Variants in TACC1 observed in about 807,000 individuals in gnomAD.
TACC1 encodes the protein transforming acidic coiled-coil-containing protein 1.
A neutral mutation model predicts 84.4 loss-of-function variants in TACC1; 48 were observed. That is an observed-to-expected ratio of 0.57 (90% CI 0.45 to 0.72). TACC1 has a LOEUF of 0.72. TACC1 is among the 30% of genes least tolerant of loss of function. The pLI, the probability that TACC1 is intolerant of heterozygous loss-of-function variation, is 0.00. For missense variants in TACC1, 920 were observed against 973.0 expected (o/e 0.95, Z 0.72); for synonymous variants, 372 against 376.3 (o/e 0.99, Z 0.13).
intron 2 of TACC1, among the ~76,000 whole-genome samples, chr8:38,794,417 A>G (rs1396882696): frequency 6.6e-6 from 1 of 152,192 alleles, no homozygotes; most frequent in African/African-American, 2.4e-5. Flanking sequence ...GGTTACAGGC[A>G]TGAGCCAGCC....
chr8:38,846,482 C>A, intron 11 of TACC1: 2 of 438,654 alleles, frequency 4.6e-6, no homozygotes, highest in South Asian at 3.4e-5. Flanking sequence ...AAACCATTTG[C>A]TAGTGAGATA....
At chr8:38,774,663 T>G (rs984443964) in intron 3 of TACC1, among the ~76,000 whole-genome samples, 6 of 152,152 alleles carry the variant, frequency 3.9e-5, no homozygotes, top group African/African-American at 9.7e-5. Context: ...AGGCTAATTT[T>G]TTTTTGTTTT....
chr8:38,751,377 T>C (rs1297163636), intron 3 of TACC1, among the ~76,000 whole-genome samples: 1 of 152,248 alleles, frequency 6.6e-6, no homozygotes, highest in Non-Finnish European at 1.5e-5. Context: ...TGGAGCTATC[T>C]TACCCAGGTT....
chr8:38,743,245 A>C (rs1165018411), intron 2 of TACC1, among the ~76,000 whole-genome samples: 1 of 152,204 alleles, frequency 6.6e-6, no homozygotes, highest in African/African-American at 2.4e-5. Context: ...TGCAAAGATG[A>C]ATTCAGAGTA....
At chr8:38,834,381 T>C (rs980741119) in intron 6 of TACC1, among the ~76,000 whole-genome samples, 1 of 152,174 alleles carries the variant, frequency 6.6e-6, no homozygotes, top group Non-Finnish European at 1.5e-5. Context: ...TCCATGACGT[T>C]TGCCATATTC....
chr8:38,768,892 G>C (rs11987196), intron 3 of TACC1, among the ~76,000 whole-genome samples: 6 of 150,062 alleles, frequency 4.0e-5, no homozygotes, highest in Non-Finnish European at 7.4e-5. Context: ...ACTGTCGGGG[G>C]AGGTGTGTGT....
intron 2 of TACC1, among the ~76,000 whole-genome samples, chr8:38,801,165 T>G (rs1314217689): frequency 6.6e-6 from 1 of 152,238 alleles, no homozygotes; most frequent in Non-Finnish European, 1.5e-5. Flanking sequence ...TGTGACTAAA[T>G]ATTTTCTTCC....
At chr8:38,765,418 G>T (rs879290774) in intron 3 of TACC1, among the ~76,000 whole-genome samples, 2 of 152,142 alleles carry the variant, frequency 1.3e-5, no homozygotes, top group Non-Finnish European at 2.9e-5. Flanking sequence ...CCAGAAGTCA[G>T]ATAAGTGCTG....
chr8:38,748,990 C>T (rs1330195169), intron 3 of TACC1, among the ~76,000 whole-genome samples: 1 of 151,186 alleles, frequency 6.6e-6, no homozygotes, highest in Non-Finnish European at 1.5e-5. Context: ...ATAAAAAAAT[C>T]ATTAAAAGCA....
At chr8:38,753,916 T>TCTTTCTTTCTTTCTTTCTTTCTTTCTTC (rs1809504212) in intron 3 of TACC1, among the ~76,000 whole-genome samples, 10 of 140,728 alleles carry the variant, frequency 7.1e-5, no homozygotes, top group Middle Eastern at 3.7e-3. Context: ...TTTCTTTCTT[T>TCTTTCTTTCTTTCTTTCTTTCTTTCTTC]CTTTCTTTCT....
intron 3 of TACC1, among the ~76,000 whole-genome samples, chr8:38,775,137 A>T (rs1019845832): frequency 1.6e-4 from 24 of 152,142 alleles, no homozygotes; most frequent in African/African-American, 5.8e-4. Flanking sequence ...GGGAGAAGTC[A>T]TATCTCTATT....
At chr8:38,775,764 A>G (rs184548972) in intron 3 of TACC1, among the ~76,000 whole-genome samples, 30 of 152,360 alleles carry the variant, frequency 2.0e-4, no homozygotes, top group African/African-American at 6.7e-4. Flanking sequence ...ATGTAAAACA[A>G]ATATATTCTG....
chr8:38,796,620 G>A (rs1398703495), intron 2 of TACC1, among the ~76,000 whole-genome samples: 1 of 152,218 alleles, frequency 6.6e-6, no homozygotes, highest in Non-Finnish European at 1.5e-5. Flanking sequence ...ATCATCACTG[G>A]ATAAGTGCAG....
chr8:38,742,287 C>G lies in TACC1; in HGVS notation c.-674-64C>G, dbSNP rs1807222236. 16 of 665,536 alleles carry G rather than the reference C, an allele frequency of 2.4e-5. No homozygotes were observed. The South Asian group carries it at 5.8e-4, about 24-fold the overall frequency. The allele number at this position is 665,536 out of a possible 1,614,324, so 41.2% of individuals were successfully genotyped here. ...TGAGCCTTAGGCAAAAGGTTGGAAA[C>G]TTGTGCTGGAAACTTACCTTATGAT... On this transcript the variant is annotated intron_variant, in intron 1 of 14. Coordinates refer to the TACC1 transcript ENST00000518415.
At chr8:38,734,617 A>G (rs7821911) in intron 1 of TACC1, among the ~76,000 whole-genome samples, 31,939 of 152,200 alleles carry the variant, frequency 0.21, 3,595 homozygotes, top group South Asian at 0.26. Flanking sequence ...TATGTTTATT[A>G]TGCAACAAAG....
chr8:38,757,360 A>T, intron 3 of TACC1: 1 of 1,264,862 alleles, frequency 7.9e-7, no homozygotes, highest in Non-Finnish European at 1.0e-6. Context: ...TCAGACCCCG[A>T]GGGGCCGGGA....
At chr8:38,763,407 T>G (rs1437950063) in intron 3 of TACC1, among the ~76,000 whole-genome samples, 1 of 152,040 alleles carries the variant, frequency 6.6e-6, no homozygotes, top group Non-Finnish European at 1.5e-5. Flanking sequence ...TTCTCCCCCC[T>G]CAGCCTCCCA....
At position 38,819,975 on chromosome 8, in the gene TACC1, G is replaced by T. The variant is rs769359407; in HGVS notation, c.731G>T (p.Gly244Val). ...KPVPLRKKAI[G>V]GEFSDTNAAV... ...GTCCCCCTGAGGAAGAAAGCAATTG[G>T]AGGAGAGTTCTCAGACACCAACGCT... The change falls in exon 3 of 13, where the codon GGA (glycine) becomes GTA (valine). Residue 244 changes from glycine (G) to valine (V), a missense_variant. Transcript: ENST00000317827. 3 of 1,614,072 alleles carry T rather than the reference G, an allele frequency of 1.9e-6. No individual in the cohort carries two copies. In the South Asian group the frequency reaches 3.3e-5, roughly 18 times the overall value.
At chr8:38,846,283 C>CA (rs538545237) in intron 11 of TACC1, 1,382 of 59,454 alleles carry the variant, frequency 0.023, 164 homozygotes, top group African/African-American at 0.061. Flanking sequence ...GACTCCATCT[C>CA]AAAAAAAAAA....
Sources: gnomAD v4.1 joint callset for allele counts (sites outside exome capture counted in the v4.1 genomes callset) on GRCh38, gnomAD v4.1.1 for gene constraint, MANE v1.5 for transcripts, NCBI Gene and HGNC (gene_info 2026-07-23, HGNC 2026-07-21) for gene names.